SYNPR: variants seen among roughly 807,000 people sequenced by gnomAD.
SYNPR encodes synaptoporin.
SYNPR carries 23 observed loss-of-function variants against 32.9 expected under a neutral mutation model. The observed-to-expected ratio is 0.70, with a 90% CI of 0.50 to 0.99. SYNPR has a LOEUF of 0.99. Ranked by LOEUF, SYNPR falls within the 50% of genes least tolerant of loss-of-function variation. The pLI, the probability that SYNPR is intolerant of heterozygous loss-of-function variation, is 0.00. For missense variants in SYNPR, 318 were observed against 349.3 expected, an observed-to-expected ratio of 0.91 and a Z score of 0.71; for synonymous variants, 146 against 135.9, an observed-to-expected ratio of 1.07 and a Z score of -0.52.
intron 3 of SYNPR, among the ~76,000 whole-genome samples, chr3:63,515,838 G>A (rs1047266049): frequency 2.6e-5 from 4 of 151,994 alleles, no homozygotes; most frequent in South Asian, 2.1e-4. Flanking sequence ...TTTTTCACAC[G>A]AAAAAGGTAG....
intron 5 of SYNPR, 66 bp from the exon 6 acceptor site, chr3:63,615,158 C>A (rs1467971877): frequency 6.5e-7 from 1 of 1,544,174 alleles, no homozygotes; most frequent in South Asian, 1.3e-5. Flanking sequence ...AGGATTTTTC[C>A]AAAATTGAAA....
rs192407054 is a variant in SYNPR at position 63,388,693 on chromosome 3, C to T, written c.85-92139C>T. Reference sequence around the variant, plus strand: ...CCTCAGCCTCCCAAAGTTGCTAACGCCTGGGATTATAGGCGTGAGCCACCA... The same window carrying T: ...CCTCAGCCTCCCAAAGTTGCTAACGTCTGGGATTATAGGCGTGAGCCACCA... On this transcript the variant is annotated intron_variant, in intron 2 of 5. Transcript: ENST00000478300. 1.3e-3 allele frequency among the ~76,000 whole-genome samples: 195 copies of T among 151,826 alleles called. 1 individual carries two copies. The highest frequency in any genetic ancestry group is 4.5e-3 in the African/African-American group (185 of 41,390).
intron 4 of SYNPR, among the ~76,000 whole-genome samples, chr3:63,574,309 G>C (rs566399798): frequency 3.3e-5 from 5 of 152,228 alleles, no homozygotes; most frequent in African/African-American, 1.2e-4. Context: ...CAAAAATCCT[G>C]ACAGGTAGCG....
At chr3:63,206,416 C>G in the SYNPR span, among the ~76,000 whole-genome samples, 10 of 152,036 alleles carry the variant, frequency 6.6e-5, no homozygotes, top group African/African-American at 2.4e-4. Context: ...AGTTAGAGAC[C>G]AGCCTGTCCA....
At chr3:63,614,277 T>A (rs890754157) in intron 5 of SYNPR, among the ~76,000 whole-genome samples, 1 of 152,184 alleles carries the variant, frequency 6.6e-6, no homozygotes, top group African/African-American at 2.4e-5. Flanking sequence ...CTGCCTGTAG[T>A]TAATTCCCAA....
intron 2 of SYNPR, among the ~76,000 whole-genome samples, chr3:63,305,716 G>A (rs543642877): frequency 2.0e-5 from 3 of 151,980 alleles, no homozygotes; most frequent in South Asian, 2.1e-4. Flanking sequence ...GTGTCCTACC[G>A]ACATACTACC....
At chr3:63,383,319 C>A (rs2087996961) in intron 2 of SYNPR, among the ~76,000 whole-genome samples, 1 of 152,142 alleles carries the variant, frequency 6.6e-6, no homozygotes, top group Non-Finnish European at 1.5e-5. Context: ...CAATACCTCC[C>A]AAGAGAAAAG....
At chr3:63,455,009 A>T (rs1279148615) in intron 2 of SYNPR, among the ~76,000 whole-genome samples, 1 of 152,130 alleles carries the variant, frequency 6.6e-6, no homozygotes. Flanking sequence ...TTTAGAATGG[A>T]AAGTTTAAAC....
chr3:63,456,404 G>A (rs1261280029), intron 2 of SYNPR, among the ~76,000 whole-genome samples: 1 of 152,118 alleles, frequency 6.6e-6, no homozygotes, highest in East Asian at 1.9e-4. Flanking sequence ...TGGGTGAAGA[G>A]TAAATAATTT....
chr3:63,200,810 C>G, the SYNPR span, among the ~76,000 whole-genome samples: 5 of 152,136 alleles, frequency 3.3e-5, no homozygotes, highest in Non-Finnish European at 7.3e-5. Context: ...GAAGCCAGCT[C>G]CCTAAGCATT....
At chr3:63,525,355 G>C (rs1701992681) in intron 3 of SYNPR, among the ~76,000 whole-genome samples, 1 of 152,104 alleles carries the variant, frequency 6.6e-6, no homozygotes. Context: ...AACTTACTTG[G>C]GTGAATTAAG....
chr3:63,488,697 G>GTTA (rs1215849300), intron 3 of SYNPR, among the ~76,000 whole-genome samples: 17 of 152,058 alleles, frequency 1.1e-4, no homozygotes, highest in African/African-American at 4.1e-4. Context: ...TGTTGTTGTT[G>GTTA]TTATTATTAA....
At chr3:63,251,393 C>A (rs1467653241) in intron 1 of SYNPR, among the ~76,000 whole-genome samples, 2 of 151,998 alleles carry the variant, frequency 1.3e-5, no homozygotes, top group East Asian at 1.9e-4. Context: ...CAGAAAGGAG[C>A]CTTCAATTTA....
chr3:63,296,766 A>G (rs1224916343), intron 2 of SYNPR, among the ~76,000 whole-genome samples: 1 of 152,200 alleles, frequency 6.6e-6, no homozygotes, highest in African/African-American at 2.4e-5. Context: ...TCTACTCTTT[A>G]AAAGTACAGT....
chr3:63,582,139 T>G (rs975039351), intron 4 of SYNPR, among the ~76,000 whole-genome samples: 1 of 152,098 alleles, frequency 6.6e-6, no homozygotes, highest in East Asian at 1.9e-4. Context: ...AAACACTTTC[T>G]ATTTGGCTTC....
upstream of SYNPR, among the ~76,000 whole-genome samples, chr3:63,225,648 A>G (rs142079508): frequency 4.3e-3 from 656 of 152,312 alleles, 3 homozygotes; most frequent in Non-Finnish European, 6.2e-3. Flanking sequence ...ACAAAAACCA[A>G]CTCAAGATGG....
At chr3:63,359,183 T>C (rs1173702477) in intron 2 of SYNPR, among the ~76,000 whole-genome samples, 1 of 152,208 alleles carries the variant, frequency 6.6e-6, no homozygotes, top group African/African-American at 2.4e-5. Flanking sequence ...TTCCTCTTTC[T>C]AGGTAAGGAC....
chr3:63,253,289 A>T (rs1362611553), intron 2 of SYNPR, among the ~76,000 whole-genome samples: 1 of 152,116 alleles, frequency 6.6e-6, no homozygotes, highest in East Asian at 1.9e-4. Context: ...AGTAAAAAAA[A>T]ATACATATAT....
At chr3:63,522,679 G>A (rs181282179) in intron 3 of SYNPR, among the ~76,000 whole-genome samples, 229 of 152,278 alleles carry the variant, frequency 1.5e-3, no homozygotes, top group Non-Finnish European at 2.5e-3. Flanking sequence ...AAATAAGCTC[G>A]AGGATGTGTG....
Sources: gnomAD v4.1 joint callset for allele counts (sites outside exome capture counted in the v4.1 genomes callset) on GRCh38, gnomAD v4.1.1 for gene constraint, MANE v1.5 for transcripts, NCBI Gene and HGNC (gene_info 2026-07-23, HGNC 2026-07-21) for gene names.